Variants in PRRX1 observed in about 807,000 individuals in gnomAD.
The protein encoded by PRRX1 is paired mesoderm homeobox protein 1.
Under a neutral mutation model 24.0 loss-of-function variants are expected in PRRX1, and 8 were observed. The ratio of observed to expected loss-of-function variants is 0.33; its 90% CI spans 0.20 to 0.60. The LOEUF is 0.60. PRRX1 is among the 20% of genes least tolerant of loss of function. PRRX1 has a pLI of 0.82. For missense variants in PRRX1, 281 were observed against 322.4 expected, an observed-to-expected ratio of 0.87 and a Z score of 0.98; for synonymous variants, 160 against 131.7, an observed-to-expected ratio of 1.22 and a Z score of -1.47.
At position 170,739,029 on chromosome 1, in the gene PRRX1, A is replaced by T. The variant is rs1655711948; in HGVS notation, c.*2843A>T. On this transcript the variant is annotated 3_prime_UTR_variant, in exon 4 of 4. Transcript: ENST00000239461. Reference sequence around the variant, plus strand: ...TTTATTATCAAATTTTTAAAATACAAGTTTGGTATGTGATTTGGAAAAGAT... The same window carrying T: ...TTTATTATCAAATTTTTAAAATACATGTTTGGTATGTGATTTGGAAAAGAT... 4.5e-6 allele frequency: 1 copy of T among 220,334 alleles called. No individual in the cohort carries two copies. 13.6% of individuals were successfully genotyped at this position (220,334 alleles called of 1,614,324 possible).
intron 1 of PRRX1, among the ~76,000 whole-genome samples, chr1:170,673,994 T>C (rs1653224607): frequency 2.0e-5 from 3 of 152,230 alleles, no homozygotes; most frequent in South Asian, 4.1e-4. Flanking sequence ...TAAAGAATAT[T>C]TGTTGAATTT....
chr1:170,664,353 C>G lies in PRRX1; in HGVS notation c.135C>G (p.Ala45=). ...GTCACCTGCTAGACCTGGAGGAAGC[C>G]GGGGACATGGTGGCGGCACAGGCGG... ...SVSHLLDLEE[A]GDMVAAQADE... Residue 45 remains alanine, a synonymous_variant, in exon 1 of 4, where the codon GCC becomes GCG. Transcript: ENST00000239461. The G allele has an allele frequency of 6.2e-7, 1 of 1,613,982 alleles. No homozygotes were observed. Among genetic ancestry groups the G allele is most frequent in the Non-Finnish European group, 8.5e-7 (1 of 1,179,962 alleles).
chr1:170,669,487 A>G (rs1653070901), intron 1 of PRRX1: 1 of 140,762 alleles, frequency 7.1e-6, no homozygotes, highest in African/African-American at 2.6e-5. Context: ...TATTCCACCG[A>G]CCCAGCTTTG....
chr1:170,715,467 T>C (rs1654877663), intron 1 of PRRX1, among the ~76,000 whole-genome samples: 1 of 152,168 alleles, frequency 6.6e-6, no homozygotes, highest in African/African-American at 2.4e-5. Context: ...AATATACTAA[T>C]ATATGTATAT....
chr1:170,681,864 A>G (rs1463552270), intron 1 of PRRX1, among the ~76,000 whole-genome samples: 1 of 152,240 alleles, frequency 6.6e-6, no homozygotes, highest in Non-Finnish European at 1.5e-5. Context: ...ACTGACAAAA[A>G]GGGGACAGGT....
chr1:170,726,678 G>T (rs1655268833), intron 3 of PRRX1: 1 of 408,846 alleles, frequency 2.4e-6, no homozygotes, highest in Non-Finnish European at 4.4e-6. Flanking sequence ...GAATCTAAAA[G>T]AAAAGATCAT....
rs956544251 is a variant in PRRX1, at chr1:170,736,894, C to T, written c.*708C>T. 4 of 198,540 alleles carry T rather than the reference C, an allele frequency of 2.0e-5. No individual in the cohort carries two copies. The highest frequency in any genetic ancestry group is 9.2e-5 in the African/African-American group (4 of 43,272). 12.3% of individuals were successfully genotyped at this position (198,540 alleles called of 1,614,324 possible). A position where few individuals can be genotyped will look rare whatever the true frequency, so the allele number is the denominator to read the frequency against. ...CTAAGCTATAGATTTAAGCTTGAAG[C>T]TACAGATTATATCACTATCACCACC... On this transcript the variant is annotated 3_prime_UTR_variant, in exon 4 of 4. Coordinates refer to ENST00000239461, the MANE Select transcript of PRRX1 (RefSeq NM_022716.4).
At chr1:170,725,524 G>T (rs1178169646) in intron 2 of PRRX1, among the ~76,000 whole-genome samples, 1 of 152,170 alleles carries the variant, frequency 6.6e-6, no homozygotes, top group Non-Finnish European at 1.5e-5. Context: ...ACAGGATCCA[G>T]TGTACACACA....
intron 3 of PRRX1, chr1:170,730,295 A>G: frequency 1.2e-6 from 2 of 1,611,604 alleles, no homozygotes; most frequent in South Asian, 1.1e-5. Context: ...CCCTCCCAAG[A>G]TGTTGTTTAC....
At chr1:170,690,557 A>AT (rs142458833) in intron 1 of PRRX1, among the ~76,000 whole-genome samples, 3,565 of 152,234 alleles carry the variant, frequency 0.023, 136 homozygotes, top group African/African-American at 0.076. Flanking sequence ...AGCACAATCT[A>AT]TAGCTAACAT....
chr1:170,689,839 C>CCTCTCTCTCTCTCTCTCTCTCTCTCTCT (rs71559512), intron 1 of PRRX1, among the ~76,000 whole-genome samples: 4 of 91,642 alleles, frequency 4.4e-5, no homozygotes, highest in Non-Finnish European at 4.7e-5. Context: ...TCTCTCTCTC[C>CCTCTCTCTCTCTCTCTCTCTCTCTCTCT]CTCTCTCTCT....
At chr1:170,687,578 G>T (rs1003868694) in intron 1 of PRRX1, among the ~76,000 whole-genome samples, 3 of 152,184 alleles carry the variant, frequency 2.0e-5, no homozygotes, top group Admixed American at 6.5e-5. Flanking sequence ...TCTCTAAAAT[G>T]AGGATTATAA....
At chr1:170,686,794 G>A (rs1375793770) in intron 1 of PRRX1, among the ~76,000 whole-genome samples, 1 of 145,670 alleles carries the variant, frequency 6.9e-6, no homozygotes, top group Non-Finnish European at 1.5e-5. Flanking sequence ...CCTTATCAGA[G>A]AATCTACACT....
chr1:170,666,743 A>G (rs1652947924), intron 1 of PRRX1, among the ~76,000 whole-genome samples: 1 of 152,112 alleles, frequency 6.6e-6, no homozygotes, highest in African/African-American at 2.4e-5. Flanking sequence ...CAGATACTGC[A>G]GGGGAAGAGG....
chr1:170,684,761 A>G (rs995847935), intron 1 of PRRX1, among the ~76,000 whole-genome samples: 1 of 152,192 alleles, frequency 6.6e-6, no homozygotes, highest in Middle Eastern at 3.2e-3. Context: ...TCACACACAC[A>G]AAAAAAGATT....
intron 1 of PRRX1, among the ~76,000 whole-genome samples, chr1:170,709,730 A>G (rs889658253): frequency 6.6e-6 from 1 of 152,218 alleles, no homozygotes; most frequent in Non-Finnish European, 1.5e-5. Context: ...TGCTCAATAG[A>G]TATTTGTTCA....
At chr1:170,727,992 C>T (rs368860607) in intron 3 of PRRX1, 10 of 152,258 alleles carry the variant, frequency 6.6e-5, no homozygotes, top group Admixed American at 2.6e-4. Flanking sequence ...TTCATGAACA[C>T]GCTAAATGGC....
At chr1:170,686,193 A>AC in intron 1 of PRRX1, among the ~76,000 whole-genome samples, 1 of 152,092 alleles carries the variant, frequency 6.6e-6, no homozygotes, top group East Asian at 1.9e-4. Flanking sequence ...AAAAAAAAAA[A>AC]AACAAGTTGC....
rs940870607 is a variant in PRRX1 at position 170,737,058 on chromosome 1, C to T, written c.*872C>T. On this transcript the variant is annotated 3_prime_UTR_variant, in exon 4 of 4. Transcript: ENST00000239461. ...AGAGGAAGAGAAATTTCTCTAGTAA[C>T]ACAAAGAGTGAGTTCTAAAAGGCAT... 2 of 184,848 alleles carry T rather than the reference C, an allele frequency of 1.1e-5. No individual in the cohort carries two copies. Among genetic ancestry groups the T allele is most frequent in the Non-Finnish European group, 2.3e-5 (2 of 87,274 alleles). 11.5% of individuals were successfully genotyped at this position (184,848 alleles called of 1,614,324 possible). A position where few individuals can be genotyped will look rare whatever the true frequency, so the allele number is the denominator to read the frequency against.
Sources: gnomAD v4.1 joint callset for allele counts (sites outside exome capture counted in the v4.1 genomes callset) on GRCh38, gnomAD v4.1.1 for gene constraint, MANE v1.5 for transcripts, NCBI Gene and HGNC (gene_info 2026-07-23, HGNC 2026-07-21) for gene names.